The following PLA2G4A variants were observed in gnomAD, a reference collection of about 807,000 sequenced individuals.
PLA2G4A encodes the protein cytosolic phospholipase A2.
A neutral mutation model predicts 81.9 loss-of-function variants in PLA2G4A; 40 were observed. The ratio of observed to expected loss-of-function variants is 0.49; its 90% CI spans 0.38 to 0.64. The LOEUF (loss-of-function observed/expected upper bound fraction) is 0.64. Among genes scored for constraint, PLA2G4A ranks in the 30% least tolerant of loss-of-function variants. PLA2G4A has a pLI of 0.00. For synonymous variants in PLA2G4A, 302 were observed against 296.9 expected, an observed-to-expected ratio of 1.02 and a Z score of -0.18; for missense variants, 715 against 905.1, an observed-to-expected ratio of 0.79 and a Z score of 2.69.
intron 3 of PLA2G4A, among the ~76,000 whole-genome samples, chr1:186,888,708 G>A (rs776336758): frequency 5.9e-5 from 9 of 152,074 alleles, no homozygotes; most frequent in Middle Eastern, 3.2e-3. Flanking sequence ...AGCAATGCCT[G>A]GCATATAGTA....
rs756557132 is a variant in PLA2G4A at position 186,893,054 on chromosome 1, C to G, written c.159C>G (p.Thr53=). 3.7e-6 allele frequency: 6 copies of G among 1,609,270 alleles called. No individual in the cohort carries two copies. In the East Asian group the frequency reaches 1.3e-4, roughly 36 times the overall value. ...DPYVELFIST[T]PDSRKRTRHF... Reference sequence around the variant, plus strand: ...ATGTGGAACTTTTTATCTCTACAACCCCTGACAGCAGGAAGAGAACAAGAC... The same window carrying G: ...ATGTGGAACTTTTTATCTCTACAACGCCTGACAGCAGGAAGAGAACAAGAC... The change falls in exon 4 of 18, where the codon ACC becomes ACG. Residue 53 remains threonine (T), a synonymous_variant. Coordinates refer to ENST00000367466, the MANE Select transcript of PLA2G4A (RefSeq NM_024420.3).
chr1:186,831,946 TA>T (rs1651605638), intron 1 of PLA2G4A, among the ~76,000 whole-genome samples: 1 of 114,176 alleles, frequency 8.8e-6, no homozygotes, highest in Non-Finnish European at 1.8e-5. Context: ...GATGCATTGT[TA>T]AAACATGTTT....
chr1:186,960,963 A>T (rs1656921783), intron 14 of PLA2G4A, among the ~76,000 whole-genome samples: 1 of 152,174 alleles, frequency 6.6e-6, no homozygotes, highest in South Asian at 2.1e-4. Flanking sequence ...ACATCAGTTT[A>T]TATCTTGCAT....
At chr1:186,931,429 C>T (rs552202219) in intron 7 of PLA2G4A, among the ~76,000 whole-genome samples, 26 of 151,982 alleles carry the variant, frequency 1.7e-4, no homozygotes, top group African/African-American at 5.3e-4. Context: ...GGAATTTAGT[C>T]CTAGGTGTTC....
chr1:186,963,413 C>T (rs571111685), intron 14 of PLA2G4A, among the ~76,000 whole-genome samples: 1 of 152,230 alleles, frequency 6.6e-6, no homozygotes, highest in South Asian at 2.1e-4. Flanking sequence ...TTTGTAAATA[C>T]TTATTAAGAA....
At chr1:186,852,772 G>A (rs1652419606) in intron 1 of PLA2G4A, among the ~76,000 whole-genome samples, 1 of 151,870 alleles carries the variant, frequency 6.6e-6, no homozygotes, top group South Asian at 2.1e-4. Context: ...CATGATTTTT[G>A]GAGGGAATAA....
intron 1 of PLA2G4A, among the ~76,000 whole-genome samples, chr1:186,851,959 G>A (rs1462835879): frequency 6.6e-6 from 1 of 151,866 alleles, no homozygotes; most frequent in Non-Finnish European, 1.5e-5. Flanking sequence ...GTAGAACAGA[G>A]GATGAGGGAT....
intron 1 of PLA2G4A, among the ~76,000 whole-genome samples, chr1:186,850,309 T>G (rs1351241741): frequency 6.6e-6 from 1 of 152,124 alleles, no homozygotes; most frequent in Admixed American, 6.6e-5. Flanking sequence ...TTGTAGACCA[T>G]GTTAAGGATT....
intron 1 of PLA2G4A, among the ~76,000 whole-genome samples, chr1:186,839,056 C>T (rs1651886036): frequency 7.9e-6 from 1 of 125,926 alleles, no homozygotes. Flanking sequence ...CTCATATTTC[C>T]TCAAAGTTAA....
intron 17 of PLA2G4A, among the ~76,000 whole-genome samples, chr1:186,986,627 C>T (rs1657899521): frequency 6.6e-6 from 1 of 152,296 alleles, no homozygotes; most frequent in Non-Finnish European, 1.5e-5. Context: ...CAATTTTCAT[C>T]ACATATTGTC....
At chr1:186,903,877 C>T (rs1250590348) in intron 5 of PLA2G4A, among the ~76,000 whole-genome samples, 1 of 152,162 alleles carries the variant, frequency 6.6e-6, no homozygotes, top group African/African-American at 2.4e-5. Context: ...ACCCCGCCAC[C>T]CTGGTCCATG....
chr1:186,865,117 T>C (rs970206730), intron 2 of PLA2G4A, among the ~76,000 whole-genome samples: 7 of 149,162 alleles, frequency 4.7e-5, no homozygotes, highest in Admixed American at 1.3e-4. Context: ...AAATATAATA[T>C]ATTGCCAAAC....
At chr1:186,839,893 A>G (rs1211685427) in intron 1 of PLA2G4A, among the ~76,000 whole-genome samples, 1 of 151,722 alleles carries the variant, frequency 6.6e-6, no homozygotes, top group African/African-American at 2.4e-5. Context: ...GCAACACTCC[A>G]ACGCACACAT....
intron 1 of PLA2G4A, among the ~76,000 whole-genome samples, chr1:186,847,750 T>G (rs1652234444): frequency 6.6e-6 from 1 of 152,062 alleles, no homozygotes; most frequent in Admixed American, 6.6e-5. Flanking sequence ...CAGCCCCTCT[T>G]CCCTTGGGGT....
intron 6 of PLA2G4A, 76 bp downstream of exon 6, chr1:186,907,078 T>G: frequency 1.2e-6 from 1 of 802,696 alleles, no homozygotes; most frequent in Non-Finnish European, 2.2e-6. Context: ...AAAGAATTTT[T>G]TTATATATAA....
chr1:186,890,543 G>T (rs113179995), intron 3 of PLA2G4A, among the ~76,000 whole-genome samples: 1 of 151,928 alleles, frequency 6.6e-6, no homozygotes, highest in Admixed American at 6.6e-5. Context: ...ATTCAAGTGG[G>T]TATTTATGTG....
rs953747788 is a variant in PLA2G4A, at chr1:186,839,875, A to T, written c.-70+10840A>T. 9.2e-5 allele frequency among the ~76,000 whole-genome samples: 14 copies of T among 152,044 alleles called. 1 individual carries two copies. ...TACCCCACAGAAGTAGAAGGGGAAA[A>T]ATGTGCTGCAACACTCCAACGCACA... is the stretch of plus-strand genomic sequence containing the variant. On this transcript the variant is annotated intron_variant, in intron 1 of 17. Transcript: ENST00000367466.
intron 15 of PLA2G4A, among the ~76,000 whole-genome samples, chr1:186,974,734 C>A (rs1657473072): frequency 2.0e-5 from 3 of 152,190 alleles, no homozygotes. Context: ...TCACTGAAAT[C>A]TTTTAAAATA....
chr1:186,954,615 T>C (rs1032670333), intron 13 of PLA2G4A, among the ~76,000 whole-genome samples: 1 of 151,706 alleles, frequency 6.6e-6, no homozygotes, highest in African/African-American at 2.4e-5. Flanking sequence ...TATGGTTTTA[T>C]GTATGTTTAG....
Sources: allele counts gnomAD v4.1 joint callset (sites outside exome capture counted in the v4.1 genomes callset), GRCh38; gene constraint gnomAD v4.1.1; transcripts MANE v1.5; gene names NCBI Gene and HGNC (gene_info 2026-07-23, HGNC 2026-07-21).